MTMR3: variants seen among roughly 807,000 people sequenced by gnomAD.
The protein encoded by MTMR3 is myotubularin related protein 3, also known as phosphatidylinositol-3,5-bisphosphate 3-phosphatase MTMR3.
In MTMR3, 32 loss-of-function variants were observed where a neutral mutation model predicts 132.4. That is an observed-to-expected ratio of 0.24 (90% CI 0.18 to 0.32). The LOEUF (loss-of-function observed/expected upper bound fraction) is 0.32. Ranked by LOEUF, MTMR3 falls within the 10% of genes least tolerant of loss-of-function variation. MTMR3 has a pLI of 1.00. For synonymous variants in MTMR3, 556 were observed against 550.3 expected (o/e 1.01, Z -0.14); for missense variants, 1,216 against 1,489.6 (o/e 0.82, Z 3.02).
At chr22:30,022,225 G>T (rs1015821262) in intron 18 of MTMR3, 86 bp downstream of exon 18, 1 of 1,060,920 alleles carries the variant, frequency 9.4e-7, no homozygotes, top group Non-Finnish European at 1.4e-6. Flanking sequence ...CATACCCCTG[G>T]CCAAGGAAGC....
At chr22:29,931,968 CCTT>C (rs2065656671) in intron 1 of MTMR3, among the ~76,000 whole-genome samples, 2 of 152,098 alleles carry the variant, frequency 1.3e-5, no homozygotes, top group South Asian at 4.1e-4. Context: ...TCACTGTACA[CCTT>C]CTCAAAATTC....
At chr22:29,950,902 T>A (rs1311163934) in intron 1 of MTMR3, among the ~76,000 whole-genome samples, 2 of 152,154 alleles carry the variant, frequency 1.3e-5, no homozygotes, top group Admixed American at 1.3e-4. Context: ...CCTGTAATCC[T>A]AGCACGTTGG....
intron 1 of MTMR3, among the ~76,000 whole-genome samples, chr22:29,939,942 A>C (rs574167773): frequency 4.6e-5 from 7 of 152,090 alleles, no homozygotes; most frequent in African/African-American, 1.7e-4. Flanking sequence ...ATGACAATAC[A>C]CCCTCCCCGC....
At chr22:29,948,007 T>A (rs1394929270) in intron 1 of MTMR3, among the ~76,000 whole-genome samples, 1 of 152,086 alleles carries the variant, frequency 6.6e-6, no homozygotes, top group Non-Finnish European at 1.5e-5. Flanking sequence ...GTTGTTGGTG[T>A]TTTCATTGGC....
At chr22:29,937,771 G>A (rs1401076934) in intron 1 of MTMR3, among the ~76,000 whole-genome samples, 1 of 152,090 alleles carries the variant, frequency 6.6e-6, no homozygotes, top group East Asian at 1.9e-4. Context: ...AACCCAAAAT[G>A]CATTTCATAA....
intron 1 of MTMR3, among the ~76,000 whole-genome samples, chr22:29,928,059 G>T (rs1198902441): frequency 5.4e-5 from 8 of 148,092 alleles, no homozygotes; most frequent in African/African-American, 2.0e-4. Context: ...TCCTGCCTCA[G>T]CCACCCAAGT....
At position 30,020,006 on chromosome 22, in the gene MTMR3, C is replaced by A. The variant is rs764531792; in HGVS notation, c.2347C>A (p.Pro783Thr). The A allele has an allele frequency of 6.2e-7, 1 of 1,614,192 alleles. No homozygotes were observed. Among genetic ancestry groups the A allele is most frequent in the East Asian group, 2.2e-5 (1 of 44,880 alleles). ...SVLLSSLQVP[P>T]RGEDSLEVPV... ...TCTCCTCAGTTCTCTCCAGGTCCCC[C>A]CCAGGGGAGAGGATTCCCTGGAGGT... The change falls in exon 17 of 20, where the codon CCC (proline) becomes ACC (threonine). Residue 783 changes from proline (P) to threonine (T), a missense_variant. Physicochemically the swap from Pro to Thr is conservative, Grantham distance 38. Transcript: ENST00000401950.
At chr22:30,023,877 T>C (rs937706589) in intron 19 of MTMR3, 5 of 200,486 alleles carry the variant, frequency 2.5e-5, no homozygotes, top group Non-Finnish European at 4.1e-5. Flanking sequence ...TTTTCCCTTT[T>C]TTTTTTTTTT....
In MTMR3 at chr22:30,019,536, C is replaced by T. The variant is rs191524486; in HGVS notation, c.1877C>T (p.Pro626Leu). ...NLTTACDNTV[P>L]LASRRCSDPS... is the part of the protein sequence containing the mutation. ...ACCACAGCCTGTGACAACACAGTGC[C>T]TCTGGCCAGCCGGCGCTGCAGCGAC... Residue 626 changes from proline (P) to leucine (L), a missense_variant, in exon 17 of 20, where the codon CCT (proline) becomes CTT (leucine). Transcript: ENST00000401950. 6.2e-7 allele frequency: 1 copy of T among 1,612,136 alleles called. No individual in the cohort carries two copies. The highest frequency in any genetic ancestry group is 1.3e-5 in the African/African-American group (1 of 75,054).
chr22:30,020,693 C>T lies in MTMR3; in HGVS notation c.3034C>T (p.Arg1012Cys), dbSNP rs767709355. 1.7e-5 allele frequency: 28 copies of T among 1,614,100 alleles called. No individual in the cohort carries two copies. Among genetic ancestry groups the T allele is most frequent in the African/African-American group, 2.7e-5 (2 of 74,944 alleles). Residue 1012 changes from arginine (R) to cysteine (C), a missense_variant, in exon 17 of 20, where the codon CGC (arginine) becomes TGC (cysteine). Transcript: ENST00000401950. ...AACCAGCAGCCCCGACCAGCCTTCC[C>T]GCAGCCACCTGGACGATGATGGCAT... ...SATSSPDQPS[R>C]SHLDDDGMSV... is the part of the protein sequence containing the mutation.
rs750730990 is a variant in MTMR3 at position 29,971,092 on chromosome 22, AAAAC to A, written c.3+34_3+37del. ...GTACAAGGAAATAAGAGTAAAAAAA[AAAAC>A]AAAAAACCCTGTGTCCTGACAATTA... On this transcript the variant is annotated intron_variant, in intron 3 of 19. Transcript: ENST00000401950. 17 of 1,584,090 alleles carry A rather than the reference AAAAC, an allele frequency of 1.1e-5. No individual in the cohort carries two copies. In the East Asian group the frequency reaches 3.6e-4, roughly 33 times the overall value.
intron 1 of MTMR3, among the ~76,000 whole-genome samples, chr22:29,908,401 A>C (rs1235889781): frequency 6.6e-6 from 1 of 152,206 alleles, no homozygotes. Flanking sequence ...GTTTTGAGGA[A>C]CAGACCCTTT....
intron 9 of MTMR3, chr22:30,003,975 T>C (rs930746063): frequency 6.6e-6 from 1 of 152,166 alleles, no homozygotes; most frequent in Non-Finnish European, 1.5e-5. Flanking sequence ...CACTGAAATA[T>C]TGAGATTGTA....
intron 1 of MTMR3, among the ~76,000 whole-genome samples, chr22:29,904,663 C>G (rs779203765): frequency 1.3e-5 from 2 of 152,170 alleles, no homozygotes; most frequent in Non-Finnish European, 2.9e-5. Context: ...GATAACAACA[C>G]TACAGTTACA....
intron 1 of MTMR3, among the ~76,000 whole-genome samples, chr22:29,906,280 CTGTCTGTCT>C (rs2065098301): frequency 4.4e-5 from 3 of 67,716 alleles, no homozygotes; most frequent in African/African-American, 1.9e-4. Flanking sequence ...GTCTGTCTGT[CTGTCTGTCT>C]ATCTATCTAT....
intron 1 of MTMR3, among the ~76,000 whole-genome samples, chr22:29,886,986 T>C (rs571681540): frequency 6.6e-6 from 1 of 152,296 alleles, no homozygotes; most frequent in East Asian, 1.9e-4. Context: ...TTGATTTAAG[T>C]TATAAGATGA....
At chr22:29,982,937 T>TTGTTTGTGTG in intron 5 of MTMR3, 1 of 146,280 alleles carries the variant, frequency 6.8e-6, no homozygotes, top group Non-Finnish European at 1.5e-5. Context: ...AAAAGTTTGT[T>TTGTTTGTGTG]TGTGTGTGTG....
At chr22:29,951,471 T>C (rs2066078467) in intron 1 of MTMR3, among the ~76,000 whole-genome samples, 2 of 152,178 alleles carry the variant, frequency 1.3e-5, no homozygotes, top group African/African-American at 4.8e-5. Flanking sequence ...CAGGGCTGCC[T>C]CCTCTTCCCT....
chr22:29,988,988 G>A (rs992024028), intron 6 of MTMR3: 1 of 152,432 alleles, frequency 6.6e-6, no homozygotes, highest in African/African-American at 2.4e-5. Flanking sequence ...CCTAAGAATA[G>A]GGATATTTTC....
Sources: allele counts gnomAD v4.1 joint callset (sites outside exome capture counted in the v4.1 genomes callset), GRCh38; gene constraint gnomAD v4.1.1; transcripts MANE v1.5; gene names NCBI Gene and HGNC (gene_info 2026-07-23, HGNC 2026-07-21).